Variants in DDX5 observed in about 807,000 individuals in gnomAD.
The protein encoded by DDX5 is probable ATP-dependent RNA helicase DDX5.
DDX5 carries 6 observed loss-of-function variants against 68.6 expected under a neutral mutation model. That is an observed-to-expected ratio of 0.09 (90% CI 0.05 to 0.17). The LOEUF (loss-of-function observed/expected upper bound fraction) is 0.17. DDX5 is among the 10% of genes least tolerant of loss of function. DDX5 has a pLI of 1.00. For synonymous variants in DDX5, 350 were observed against 247.0 expected (o/e 1.42, Z -3.91); for missense variants, 499 against 756.1 (o/e 0.66, Z 3.99).
chr17:64,505,376 T>C, intron 1 of DDX5: 1 of 455,112 alleles, frequency 2.2e-6, no homozygotes, highest in South Asian at 2.7e-5. Context: ...GCGGTAGAGC[T>C]CCGGATCAAC....
In DDX5 at chr17:64,502,208, A is replaced by G; in HGVS notation, c.1110T>C (p.Gly370=). ...CTTGTTGACTCTTGTCACCATGGATACCCATGGCAGGCCACCTAAGTTAAA... is the reference window on the plus strand; with the variant it reads ...CTTGTTGACTCTTGTCACCATGGATGCCCATGGCAGGCCACCTAAGTTAAA... ...KMRRDGWPAM[G]IHGDKSQQER... is the part of the protein sequence containing the mutation. Residue 370 remains glycine (G), a synonymous_variant, in exon 10 of 13, where the codon GGT becomes GGC. Transcript: ENST00000225792. 6.2e-7 allele frequency: 1 copy of G among 1,614,118 alleles called. No individual in the cohort carries two copies. The highest frequency in any genetic ancestry group is 2.2e-5 in the East Asian group (1 of 44,888).
In DDX5 at chr17:64,502,085, T is replaced by C. The variant is rs1555671181; in HGVS notation, c.1157-16A>G. 1 of 1,614,080 alleles carries C rather than the reference T, an allele frequency of 6.2e-7. No individual in the cohort carries two copies. The highest frequency in any genetic ancestry group is 1.7e-5 in the Admixed American group (1 of 60,012). On this transcript the variant is annotated splice_polypyrimidine_tract_variant and intron_variant, in intron 10 of 12. Transcript: ENST00000225792. ...TGTTTGAATTCTACAAAGGAAGGCA[T>C]ATACATGATCAATTATCTGAGCAGA... is the stretch of plus-strand genomic sequence containing the variant.
At chr17:64,505,653 C>T in intron 1 of DDX5, 2 of 1,351,210 alleles carry the variant, frequency 1.5e-6, no homozygotes, top group South Asian at 1.2e-5. Context: ...GCCGGCCGCC[C>T]TCCTACCCCA....
chr17:64,503,034 T>C lies in DDX5; in HGVS notation c.875A>G (p.Asp292Gly). 1 of 1,614,144 alleles carries C rather than the reference T, an allele frequency of 6.2e-7. No homozygotes were observed. The highest frequency in any genetic ancestry group is 8.5e-7 in the Non-Finnish European group (1 of 1,180,008). Reference sequence around the variant, plus strand: ...TATATGAATATAGTCTTTCAGGAAATCTTCAGCAAGCTGTCTTACTTCTTT... The same window carrying C: ...TATATGAATATAGTCTTTCAGGAAACCTTCAGCAAGCTGTCTTACTTCTTT... Reference protein sequence around the residue: ...WPKEVRQLAEDFLKDYIHINI... With the variant: ...WPKEVRQLAEGFLKDYIHINI... The change falls in exon 8 of 13, where the codon GAT (aspartate) becomes GGT (glycine). Residue 292 changes from aspartate (D) to glycine (G), a missense_variant. By Grantham distance (94) the Asp-to-Gly change is moderately conservative. This residue lies in a region of DDX5 where 141 missense variants were observed against 279.8 expected (regional missense o/e 0.50). Transcript: ENST00000225792.
Position 64,499,682 on chromosome 17 carries a change from T to C in DDX5, c.*241A>G, listed in dbSNP as rs1555670611. ...TTGCCTTCATTTATTGTATTTCAAA[T>C]CACTGTACATTTACTTTTGTGAAAA... On this transcript the variant is annotated 3_prime_UTR_variant, in exon 13 of 13. Coordinates refer to ENST00000225792, the MANE Select transcript of DDX5 (RefSeq NM_004396.5). 2.5e-6 allele frequency: 1 copy of C among 407,576 alleles called. No homozygotes were observed. 25.2% of individuals were successfully genotyped at this position (407,576 alleles called of 1,614,324 possible). A position where few individuals can be genotyped will look rare whatever the true frequency, so the allele number is the denominator to read the frequency against.
rs2038210661 is a variant in DDX5, at chr17:64,498,499, TTGAC to T, written c.*1420_*1423del. Among the ~76,000 whole-genome samples, 1 of 152,224 alleles carries T rather than the reference TTGAC, an allele frequency of 6.6e-6. No individual in the cohort carries two copies. The highest frequency in any genetic ancestry group is 2.1e-4 in the South Asian group (1 of 4,832). ...TGCTTCTAAGTTTAAAACCATGAAT[TTGAC>T]TAACCATGCCATTGAAAACCATCCA... is the stretch of plus-strand genomic sequence containing the variant. On this transcript the variant is annotated 3_prime_UTR_variant, in exon 13 of 13. Transcript: ENST00000225792.
intron 9 of DDX5, 66 bp downstream of exon 9, chr17:64,502,373 G>T: frequency 6.9e-7 from 1 of 1,448,912 alleles, no homozygotes; most frequent in Non-Finnish European, 9.7e-7. Flanking sequence ...CACTGCTCGT[G>T]ATCCAAGTTT....
At chr17:64,506,020 A>AGCCCCCCCCCCCCCCCCC in intron 1 of DDX5, 56 bp downstream of exon 1, 1 of 868,076 alleles carries the variant, frequency 1.2e-6, no homozygotes, top group Non-Finnish European at 1.7e-6. Flanking sequence ...CGCCACCCTG[A>AGCCCCCCCCCCCCCCCCC]CCCGCCCTCC....
intron 1 of DDX5, chr17:64,505,291 C>G (rs558301627): frequency 3.1e-6 from 1 of 317,812 alleles, no homozygotes; most frequent in African/African-American, 2.1e-5. Flanking sequence ...AGAACCTAAA[C>G]AGTACAGTCA....
chr17:64,502,140 A>C (rs2038312691), intron 10 of DDX5, 22 bp downstream of exon 10: 2 of 1,613,838 alleles, frequency 1.2e-6, no homozygotes. Flanking sequence ...AGGGGGAAAA[A>C]TACTTCATTT....
At chr17:64,505,650 G>A in intron 1 of DDX5, 9 of 1,307,236 alleles carry the variant, frequency 6.9e-6, no homozygotes, top group Non-Finnish European at 9.6e-6. Context: ...GATGCCGGCC[G>A]CCCTCCTACC....
At position 64,504,742 on chromosome 17, in the gene DDX5, C is replaced by T. The variant is rs782388844; in HGVS notation, c.145G>A (p.Asp49Asn). The change falls in exon 2 of 13, where the codon GAT (aspartate) becomes AAT (asparagine). Residue 49 changes from aspartate (D) to asparagine (N), a missense_variant. Coordinates refer to ENST00000225792, the MANE Select transcript of DDX5 (RefSeq NM_004396.5). ...TTCTTCTCAAATTTAGGCAGCTCATCAAGATTCCACTTCTTTTTAACTAAT... is the reference window on the plus strand; with the variant it reads ...TTCTTCTCAAATTTAGGCAGCTCATTAAGATTCCACTTCTTTTTAACTAAT... ...EKLVKKKWNL[D>N]ELPKFEKNFY... is the part of the protein sequence containing the mutation. 6.2e-7 allele frequency: 1 copy of T among 1,614,152 alleles called. No homozygotes were observed. The highest frequency in any genetic ancestry group is 1.1e-5 in the South Asian group (1 of 91,076).
intron 2 of DDX5, 75 bp from the exon 3 acceptor site, chr17:64,504,393 A>C: frequency 7.7e-7 from 1 of 1,299,074 alleles, no homozygotes; most frequent in Non-Finnish European, 1.1e-6. Context: ...ATAAGCCCCT[A>C]ACTTCATAAT....
At position 64,499,077 on chromosome 17, in the gene DDX5, G is replaced by C. The variant is rs1414353700; in HGVS notation, c.*846C>G. On this transcript the variant is annotated 3_prime_UTR_variant, in exon 13 of 13. Transcript: ENST00000225792. The stretch of plus-strand genomic sequence containing the variant: ...TCTACAAGTAACCTGCACTAAGAAC[G>C]AAATTCAGTAAAGGAGACTCAAGCT... 6.6e-6 allele frequency among the ~76,000 whole-genome samples: 1 copy of C among 152,144 alleles called. No homozygotes were observed. The highest frequency in any genetic ancestry group is 1.5e-5 in the Non-Finnish European group (1 of 68,022).
chr17:64,502,653 G>T (rs2038327731), intron 8 of DDX5, 104 bp from the exon 9 acceptor site: 3 of 892,078 alleles, frequency 3.4e-6, no homozygotes, highest in African/African-American at 1.7e-5. Flanking sequence ...TACATGGCTG[G>T]AAGTCAAAGA....
intron 6 of DDX5, 38 bp from the exon 7 acceptor site, chr17:64,503,386 G>C (rs200418138): frequency 6.2e-7 from 1 of 1,613,748 alleles, no homozygotes; most frequent in Non-Finnish European, 8.5e-7. Flanking sequence ...CAATACCTAG[G>C]ATATTTAGCA....
chr17:64,505,889 TACACCG>T, intron 1 of DDX5, 181 bp downstream of exon 1: 4 of 1,535,654 alleles, frequency 2.6e-6, no homozygotes, highest in Non-Finnish European at 3.5e-6. Flanking sequence ...TTGAAGACAC[TACACCG>T]TCAAATCTCT....
Position 64,499,986 on chromosome 17 carries a change from TG to T in DDX5, c.1781del (p.Ala594AspfsTer10), listed in dbSNP as rs1568099304. ...MHNGMNQQAY[A>X]YPATAAAPMI... The stretch of plus-strand genomic sequence containing the variant: ...TAGGTGCAGCTGCAGTAGCAGGATA[TG>T]CATATGCCTGTTGGTTCATACCATT... On this transcript the variant is annotated frameshift_variant, in exon 13 of 13. Transcript: ENST00000225792. LOFTEE classifies it high-confidence loss of function. 6.2e-7 allele frequency: 1 copy of T among 1,614,008 alleles called. No homozygotes were observed. Among genetic ancestry groups the T allele is most frequent in the Non-Finnish European group, 8.5e-7 (1 of 1,179,910 alleles).
chr17:64,498,460 T>C lies in DDX5; in HGVS notation c.*1463A>G, dbSNP rs1016163372. ...ATGTAATAAATGCTCCAACCTACCC[T>C]CTCCCCCGAAAGCTGCTTCTAAGTT... On this transcript the variant is annotated 3_prime_UTR_variant, in exon 13 of 13. Transcript: ENST00000225792. Among the ~76,000 whole-genome samples the C allele has an allele frequency of 6.6e-6, 1 of 152,128 alleles. No individual in the cohort carries two copies. Among genetic ancestry groups the C allele is most frequent in the Non-Finnish European group, 1.5e-5 (1 of 68,030 alleles).
Sources: gnomAD v4.1 joint callset for allele counts (sites outside exome capture counted in the v4.1 genomes callset) on GRCh38, gnomAD v4.1.1 for gene constraint, gnomAD v4.1.1 regional missense constraint, MANE v1.5 for transcripts, NCBI Gene and HGNC (gene_info 2026-07-23, HGNC 2026-07-21) for gene names.